Variants in MST1 observed in about 807,000 individuals in gnomAD.
MST1 encodes hepatocyte growth factor-like protein.
Under a neutral mutation model 100.1 loss-of-function variants are expected in MST1, and 76 were observed. That is an observed-to-expected ratio of 0.76 (90% CI 0.63 to 0.92). The LOEUF is 0.92. Among genes scored for constraint, MST1 ranks in the 40% least tolerant of loss-of-function variants. The pLI is 0.00. For missense variants in MST1, 850 were observed against 990.0 expected (o/e 0.86, Z 1.90); for synonymous variants, 352 against 385.4 (o/e 0.91, Z 1.01).
chr3:49,686,943 G>C lies in MST1; in HGVS notation c.728+4C>G, dbSNP rs1407430467. 1 of 1,611,496 alleles carries C rather than the reference G, an allele frequency of 6.2e-7. No individual in the cohort carries two copies. Among genetic ancestry groups the C allele is most frequent in the Non-Finnish European group, 8.5e-7 (1 of 1,179,704 alleles). On this transcript the variant is annotated splice_donor_region_variant and intron_variant, in intron 6 of 17. Coordinates refer to ENST00000449682, the MANE Select transcript of MST1 (RefSeq NM_020998.4). ...CCCAGGACGCCGATACCGCCTACGC[G>C]TACTTGCCCGGCTCGAAGGGGTGCT...
intron 14 of MST1, 37 bp from the exon 15 acceptor site, chr3:49,684,921 C>A (rs1461892477): frequency 1.9e-6 from 3 of 1,613,536 alleles, no homozygotes; most frequent in Non-Finnish European, 1.7e-6. Context: ...TTGTGACTCT[C>A]AGTCCATTGC....
chr3:49,684,271 C>A (rs1366457701), intron 17 of MST1, 43 bp downstream of exon 17: 1 of 1,610,712 alleles, frequency 6.2e-7, no homozygotes, highest in Non-Finnish European at 8.5e-7. Context: ...CATTTCTAGC[C>A]CCCCATACCC....
At position 49,685,947 on chromosome 3, in the gene MST1, G is replaced by A; in HGVS notation, c.1163C>T (p.Ala388Val). ...DVRPQDCYHG[A>V]GEQYRGTVSK... ...GACCGTGCCGCGGTACTGCTCCCCT[G>A]CGCCGTGGTAGCAGTCTGTGGCGGG... The change falls in exon 10 of 18, where the codon GCA (alanine) becomes GTA (valine). Residue 388 changes from alanine (A) to valine (V), a missense_variant. By Grantham distance (64) the Ala-to-Val change is moderately conservative. This residue lies in a region of MST1 where 816 missense variants were observed against 924.6 expected (regional missense o/e 0.88). Transcript: ENST00000449682. The A allele has an allele frequency of 3.7e-6, 6 of 1,609,950 alleles. No individual in the cohort carries two copies. Among genetic ancestry groups the A allele is most frequent in the Non-Finnish European group, 5.1e-6 (6 of 1,179,300 alleles).
rs770137188 is a variant in MST1 at position 49,684,008 on chromosome 3, A to G, written c.*20T>C. Reference sequence around the variant, plus strand: ...CAAGAAGTTTTGTCCTCCCCAAGGCATATGGCATCAAGGCTGGGCCTAACC... The same window carrying G: ...CAAGAAGTTTTGTCCTCCCCAAGGCGTATGGCATCAAGGCTGGGCCTAACC... On this transcript the variant is annotated 3_prime_UTR_variant, in exon 18 of 18. Transcript: ENST00000449682. 2.5e-6 allele frequency: 4 copies of G among 1,610,646 alleles called. No individual in the cohort carries two copies. The South Asian group carries it at 4.4e-5, about 18-fold the overall frequency.
chr3:49,685,328 C>G lies in MST1; in HGVS notation c.1478G>C (p.Arg493Pro), dbSNP rs62262682. ...GCCCCCAACCACGCGCAGCTTGGAA[C>G]GCCGCTGATCCAGCCGATCCACCCT... ...GKRVDRLDQR[R>P]SKLRVVGGHP... The change falls in exon 13 of 18, where the codon CGT becomes CCT. Residue 493 changes from arginine (R) to proline (P), a missense_variant. Around this residue, in one of 2 missense-constraint regions of MST1, gnomAD observed 816 missense variants for 924.6 expected, o/e 0.88. Coordinates refer to ENST00000449682, the MANE Select transcript of MST1 (RefSeq NM_020998.4). 1 of 1,613,204 alleles carries G rather than the reference C, an allele frequency of 6.2e-7. No homozygotes were observed. The highest frequency in any genetic ancestry group is 2.2e-5 in the East Asian group (1 of 44,882).
chr3:49,687,147 A>G lies in MST1; in HGVS notation c.607+2T>C. The G allele has an allele frequency of 1.2e-6, 2 of 1,612,920 alleles. No individual in the cohort carries two copies. Among genetic ancestry groups the G allele is most frequent in the Non-Finnish European group, 1.7e-6 (2 of 1,179,836 alleles). The stretch of plus-strand genomic sequence containing the variant: ...CTCCCAGCTTGACCCGGCGCCGCTT[A>G]CCCTCCCGGCAGGATTTGATGCCGC... On this transcript the variant is annotated splice_donor_variant, in intron 5 of 17. Coordinates refer to ENST00000449682, the MANE Select transcript of MST1 (RefSeq NM_020998.4). LOFTEE classifies it high-confidence loss of function.
chr3:49,685,489 A>G lies in MST1; in HGVS notation c.1405T>C (p.Ser469Pro), dbSNP rs368282760. The G allele has an allele frequency of 1.2e-4, 190 of 1,613,464 alleles. No homozygotes were observed. Among genetic ancestry groups the G allele is most frequent in the Non-Finnish European group, 1.6e-4 (188 of 1,179,860 alleles). ...LRRCADDQPP[S>P]ILDPPDQVQF... The stretch of plus-strand genomic sequence containing the variant: ...TCCTAACCTGGGGGGTCCAGGATTG[A>G]TGGCGGCTGGTCATCAGCTGAAAGA... The change falls in exon 12 of 18, where the codon TCA becomes CCA. Residue 469 changes from serine to proline, a missense_variant. Transcript: ENST00000449682.
At position 49,687,374 on chromosome 3, in the gene MST1, T is replaced by C. The variant is rs1375088192; in HGVS notation, c.460A>G (p.Asn154Asp). 1 of 1,613,414 alleles carries C rather than the reference T, an allele frequency of 6.2e-7. No individual in the cohort carries two copies. The highest frequency in any genetic ancestry group is 8.5e-7 in the Non-Finnish European group (1 of 1,179,864). ...PCQAWSHKFPNDHKYTPTLRN... is the reference protein window; with the variant it reads ...PCQAWSHKFPDDHKYTPTLRN... Reference sequence around the variant, plus strand: ...AGGTGTTTGTCTCACTTGTGATCATTTGGGAACTTGTGGCTCCAAGCCTGG... The same window carrying C: ...AGGTGTTTGTCTCACTTGTGATCATCTGGGAACTTGTGGCTCCAAGCCTGG... Residue 154 changes from asparagine (N) to aspartate (D), a missense_variant, in exon 4 of 18, where the codon AAT becomes GAT. Coordinates refer to ENST00000449682, the MANE Select transcript of MST1 (RefSeq NM_020998.4).
Position 49,685,696 on chromosome 3 carries a change from C to T in MST1, c.1287G>A (p.Glu429=), listed in dbSNP as rs377690795. The part of the protein sequence containing the change: ...TFTSEPHAQL[E]ENFCRNPDGD... The stretch of plus-strand genomic sequence containing the variant: ...CATCTGGGTTCCGGCAGAAGTTCTC[C>T]TCCAGTTGTGCATGCGGTTCGGAGG... The change falls in exon 11 of 18, where the codon GAG becomes GAA. Residue 429 remains glutamate, a synonymous_variant. Coordinates refer to ENST00000449682, the MANE Select transcript of MST1 (RefSeq NM_020998.4). 16 of 1,613,286 alleles carry T rather than the reference C, an allele frequency of 9.9e-6. No homozygotes were observed. The highest frequency in any genetic ancestry group is 1.6e-4 in the Middle Eastern group (1 of 6,078).
At position 49,687,679 on chromosome 3, in the gene MST1, G is replaced by T; in HGVS notation, c.243-11C>A. On this transcript the variant is annotated splice_polypyrimidine_tract_variant and intron_variant, in intron 2 of 17. Coordinates refer to ENST00000449682, the MANE Select transcript of MST1 (RefSeq NM_020998.4). ...TTGTAGTGGAAGGCCCTGGAGAGAA[G>T]AAGGCACAGGGTAACGCCACAGCCC... 6.2e-7 allele frequency: 1 copy of T among 1,613,424 alleles called. No homozygotes were observed. Among genetic ancestry groups the T allele is most frequent in the Non-Finnish European group, 8.5e-7 (1 of 1,179,868 alleles).
chr3:49,685,942 C>T lies in MST1; in HGVS notation c.1168G>A (p.Glu390Lys). ...TTGCTGACCGTGCCGCGGTACTGCT[C>T]CCCTGCGCCGTGGTAGCAGTCTGTG... is the stretch of plus-strand genomic sequence containing the variant. ...RPQDCYHGAG[E>K]QYRGTVSKTR... The change falls in exon 10 of 18, where the codon GAG becomes AAG. Residue 390 changes from glutamate to lysine, a missense_variant. Transcript: ENST00000449682. 4 of 1,609,840 alleles carry T rather than the reference C, an allele frequency of 2.5e-6. No homozygotes were observed. The highest frequency in any genetic ancestry group is 3.4e-6 in the Non-Finnish European group (4 of 1,179,286).
chr3:49,687,542 C>T lies in MST1; in HGVS notation c.355+14G>A. 6.2e-7 allele frequency: 1 copy of T among 1,613,446 alleles called. No individual in the cohort carries two copies. Among genetic ancestry groups the T allele is most frequent in the Non-Finnish European group, 8.5e-7 (1 of 1,179,858 alleles). On this transcript the variant is annotated intron_variant, in intron 3 of 17. Transcript: ENST00000449682. ...CCCCTGTCTCCCACCCTGCCCCTCT[C>T]CACCCCCACTTGCCTTTCTTCTGGA...
Position 49,686,818 on chromosome 3 carries a change from G to A in MST1, c.729-16C>T, listed in dbSNP as rs770635419. Reference sequence around the variant, plus strand: ...GTCGAGGAACCTGGGGGCGGTAATGGGGCGTGAACAAGACCCTGGGACTCT... The same window carrying A: ...GTCGAGGAACCTGGGGGCGGTAATGAGGCGTGAACAAGACCCTGGGACTCT... On this transcript the variant is annotated splice_polypyrimidine_tract_variant and intron_variant, in intron 6 of 17. Coordinates refer to ENST00000449682, the MANE Select transcript of MST1 (RefSeq NM_020998.4). 2 of 1,612,462 alleles carry A rather than the reference G, an allele frequency of 1.2e-6. No individual in the cohort carries two copies. Among genetic ancestry groups the A allele is most frequent in the East Asian group, 2.2e-5 (1 of 44,884 alleles).
At position 49,684,319 on chromosome 3, in the gene MST1, A is replaced by C. The variant is rs1181397449; in HGVS notation, c.2011T>G (p.Cys671Gly). ...TEGLLAPVGA[C>G]EGDYGGPLAC... Reference sequence around the variant, plus strand: ...CCCAGGGCCCTGCCACCAACCTCACAGGCCCCCACAGGGGCCAACAGTCCC... The same window carrying C: ...CCCAGGGCCCTGCCACCAACCTCACCGGCCCCCACAGGGGCCAACAGTCCC... Residue 671 changes from cysteine to glycine, a missense_variant, in exon 17 of 18, where the codon TGT becomes GGT. This residue lies in a region of MST1 where 816 missense variants were observed against 924.6 expected (regional missense o/e 0.88). Transcript: ENST00000449682. 3 of 1,612,992 alleles carry C rather than the reference A, an allele frequency of 1.9e-6. No individual in the cohort carries two copies. Among genetic ancestry groups the C allele is most frequent in the South Asian group, 2.2e-5 (2 of 91,074 alleles).
chr3:49,684,114 C>G lies in MST1; in HGVS notation c.2092G>C (p.Val698Leu). The change falls in exon 18 of 18, where the codon GTA becomes CTA. Residue 698 changes from valine (V) to leucine (L), a missense_variant. By Grantham distance (32) the Val-to-Leu change is conservative. This residue lies in a region of MST1 where 816 missense variants were observed against 924.6 expected (regional missense o/e 0.88). Coordinates refer to ENST00000449682, the MANE Select transcript of MST1 (RefSeq NM_020998.4). ...VLEGIIIPNR[V>L]CARSRWPAVF... is the part of the protein sequence containing the mutation. The stretch of plus-strand genomic sequence containing the variant: ...GCTGGCCAGCGGGACCTTGCGCATA[C>G]TCGGTTGGGGATTATAATTCCTTCC... The G allele has an allele frequency of 6.2e-7, 1 of 1,613,662 alleles. No individual in the cohort carries two copies. The highest frequency in any genetic ancestry group is 8.5e-7 in the Non-Finnish European group (1 of 1,179,864).
rs1322837777 is a variant in MST1, at chr3:49,684,650, C to T, written c.1776G>A (p.Val592=). 1.2e-6 allele frequency: 2 copies of T among 1,613,644 alleles called. No homozygotes were observed. The highest frequency in any genetic ancestry group is 1.7e-5 in the Admixed American group (1 of 60,020). Residue 592 remains valine, a synonymous_variant, in exon 16 of 18, where the codon GTG becomes GTA. Coordinates refer to ENST00000449682, the MANE Select transcript of MST1 (RefSeq NM_020998.4). Reference sequence around the variant, plus strand: ...TCAGGGCCACACGCTGGTTCAGGGTCACAGATCTTTAGCAAGAATGGGGGC... The same window carrying T: ...TCAGGGCCACACGCTGGTTCAGGGTTACAGATCTTTAGCAAGAATGGGGGC... The part of the protein sequence containing the change: ...QLVLLKLERS[V]TLNQRVALIC...
At chr3:49,688,143 G>A in intron 1 of MST1, 2 of 595,114 alleles carry the variant, frequency 3.4e-6, no homozygotes, top group South Asian at 2.1e-5. Context: ...CAGGCACCGG[G>A]CTCAGATCTA....
In MST1 at chr3:49,687,208, C is replaced by T. The variant is rs750203674; in HGVS notation, c.548G>A (p.Cys183Tyr). Residue 183 changes from cysteine (C) to tyrosine (Y), a missense_variant, in exon 5 of 18, where the codon TGC (cysteine) becomes TAC (tyrosine). Physicochemically the swap from Cys to Tyr is radical, Grantham distance 194. Coordinates refer to ENST00000449682, the MANE Select transcript of MST1 (RefSeq NM_020998.4). ...NPDGDPGGPW[C>Y]YTTDPAVRFQ... ...GCGCACAGCAGGGTCTGTTGTGTAG[C>T]ACCAAGGACCTCCGGGGTCGCCATC... 6.2e-6 allele frequency: 10 copies of T among 1,613,428 alleles called. No homozygotes were observed. In the South Asian group the frequency reaches 1.1e-4, roughly 18 times the overall value.
In MST1 at chr3:49,687,018, G is replaced by A. The variant is rs757003369; in HGVS notation, c.657C>T (p.Arg219=). ...GCTGGCACTCGCGCCCTGACTCCGTGCGGTCTACCGCGCCGCGGTATTCCT... is the reference window on the plus strand; with the variant it reads ...GCTGGCACTCGCGCCCTGACTCCGTACGGTCTACCGCGCCGCGGTATTCCT... ...NGEEYRGAVD[R]TESGRECQRW... Residue 219 remains arginine, a synonymous_variant, in exon 6 of 18, where the codon CGC becomes CGT. Transcript: ENST00000449682. 6.2e-6 allele frequency: 10 copies of A among 1,611,386 alleles called. No individual in the cohort carries two copies. The Admixed American group carries it at 1.7e-4, about 27-fold the overall frequency.
Sources: allele counts gnomAD v4.1 joint callset, GRCh38; gene constraint gnomAD v4.1.1; regional missense constraint gnomAD v4.1.1; transcripts MANE v1.5; gene names NCBI Gene and HGNC (gene_info 2026-07-23, HGNC 2026-07-21).